Variants in KDM4C observed in about 807,000 individuals in gnomAD.
KDM4C encodes the protein lysine-specific demethylase 4C.
Under a neutral mutation model 129.3 loss-of-function variants are expected in KDM4C, and 81 were observed. The observed-to-expected ratio is 0.63, with a 90% CI of 0.52 to 0.75. KDM4C has a LOEUF of 0.75. KDM4C is among the 30% of genes least tolerant of loss of function. The pLI, the probability that KDM4C is intolerant of heterozygous loss-of-function variation, is 0.00. For missense variants in KDM4C, 1,457 were observed against 1,304.0 expected, an observed-to-expected ratio of 1.12 and a Z score of -1.81; for synonymous variants, 573 against 456.1, an observed-to-expected ratio of 1.26 and a Z score of -3.26.
chr9:6,948,252 A>C (rs1475615990), intron 8 of KDM4C: 1 of 152,220 alleles, frequency 6.6e-6, no homozygotes, highest in Admixed American at 6.5e-5. Flanking sequence ...AATATGAATA[A>C]ATTTGCAAAA....
chr9:7,035,650 G>A (rs946884688), intron 15 of KDM4C, among the ~76,000 whole-genome samples: 1 of 151,984 alleles, frequency 6.6e-6, no homozygotes, highest in African/African-American at 2.4e-5. Context: ...TTCATTTTAA[G>A]TTGATTTTTG....
chr9:6,759,470 G>A (rs1320116358), intron 1 of KDM4C, among the ~76,000 whole-genome samples: 1 of 152,062 alleles, frequency 6.6e-6, no homozygotes, highest in Non-Finnish European at 1.5e-5. Context: ...CGCGCAACCC[G>A]CCCATAGTTT....
chr9:6,937,024 G>T (rs181852746), intron 8 of KDM4C, among the ~76,000 whole-genome samples: 278 of 152,268 alleles, frequency 1.8e-3, no homozygotes, highest in African/African-American at 6.5e-3. Context: ...CCATTTTATT[G>T]TGTAGATTTT....
chr9:7,157,907 T>C (rs1843362025), intron 19 of KDM4C, among the ~76,000 whole-genome samples: 1 of 152,220 alleles, frequency 6.6e-6, no homozygotes, highest in Non-Finnish European at 1.5e-5. Flanking sequence ...TTTCTGTTGA[T>C]TGGAATAGTT....
chr9:7,133,236 C>A (rs1286072691), intron 19 of KDM4C, among the ~76,000 whole-genome samples: 2 of 151,838 alleles, frequency 1.3e-5, no homozygotes, highest in African/African-American at 4.8e-5. Context: ...CTTTTTCCTT[C>A]CCATCTAGTT....
In KDM4C at chr9:7,013,926, C is replaced by T; in HGVS notation, c.2107C>T (p.Pro703Ser). ...TGAAGAAAATATAGAATATTCTCCA[C>T]CCAATGCCTTCCTTGAAGAGGATGG... ...YSEENIEYSP[P>S]NAFLEEDGTS... Residue 703 changes from proline (P) to serine (S), a missense_variant, in exon 14 of 22, where the codon CCC becomes TCC. Pro to Ser is a moderately conservative substitution (Grantham distance 74, BLOSUM62 -1). Coordinates refer to ENST00000381309, the MANE Select transcript of KDM4C (RefSeq NM_015061.6). 6.2e-7 allele frequency: 1 copy of T among 1,613,978 alleles called. No individual in the cohort carries two copies. Among genetic ancestry groups the T allele is most frequent in the Non-Finnish European group, 8.5e-7 (1 of 1,179,870 alleles).
At chr9:7,039,436 GTC>G (rs1281982557) in intron 15 of KDM4C, among the ~76,000 whole-genome samples, 1 of 151,774 alleles carries the variant, frequency 6.6e-6, no homozygotes, top group African/African-American at 2.4e-5. Flanking sequence ...GTCATTTAGA[GTC>G]TCTTTTTTAT....
chr9:6,912,425 G>T (rs1370739833), intron 8 of KDM4C, among the ~76,000 whole-genome samples: 1 of 152,148 alleles, frequency 6.6e-6, no homozygotes, highest in African/African-American at 2.4e-5. Context: ...TCACATAGGC[G>T]CTGTTCTCTG....
intron 4 of KDM4C, among the ~76,000 whole-genome samples, chr9:6,817,196 C>CCT (rs1491193867): frequency 5.0e-5 from 1 of 20,042 alleles, no homozygotes; most frequent in Non-Finnish European, 1.3e-4. Flanking sequence ...CCTCCCCCTG[C>CCT]CCCCCCCCCC....
rs549597816 is a variant in KDM4C, at chr9:6,746,353, C to T, written c.49+25356C>T. Among the ~76,000 whole-genome samples the T allele has an allele frequency of 3.4e-3, 496 of 144,152 alleles. 2 individuals carry two copies. The highest frequency in any genetic ancestry group is 0.012 in the African/African-American group (478 of 39,148). 94.6% of individuals were successfully genotyped at this position (144,152 alleles called of 152,430 possible). A position where few individuals can be genotyped will look rare whatever the true frequency, so the allele number is the denominator to read the frequency against. On this transcript the variant is annotated intron_variant, in intron 1 of 17. Coordinates refer to the KDM4C transcript ENST00000536108. ...GAGCAATCTCGGCTCACTGCAAGCT[C>T]TGCCTCCCGGGTTCACGCCATTCTC...
intron 16 of KDM4C, among the ~76,000 whole-genome samples, chr9:7,047,600 A>C (rs1829592176): frequency 6.6e-6 from 1 of 151,992 alleles, no homozygotes; most frequent in African/African-American, 2.4e-5. Context: ...GAGACATGTC[A>C]AAATAACCTG....
At chr9:6,986,826 C>G in intron 11 of KDM4C, 160 bp downstream of exon 11, 2 of 559,164 alleles carry the variant, frequency 3.6e-6, no homozygotes, top group Non-Finnish European at 6.2e-6. Context: ...GGAGGTAAGC[C>G]TCCTGTGAGC....
intron 8 of KDM4C, 133 bp from the exon 9 acceptor site, chr9:6,980,792 G>A (rs1406501035): frequency 5.7e-6 from 4 of 695,956 alleles, no homozygotes; most frequent in Non-Finnish European, 9.5e-6. Context: ...CCCATTGAAT[G>A]TTTGATAATG....
intron 5 of KDM4C, among the ~76,000 whole-genome samples, chr9:6,852,618 G>C (rs565756679): frequency 6.6e-6 from 1 of 152,252 alleles, no homozygotes; most frequent in African/African-American, 2.4e-5. Context: ...GTATGGGATG[G>C]TTGCCTTTAC....
chr9:7,168,893 A>T (rs1047843468), intron 20 of KDM4C, among the ~76,000 whole-genome samples: 2 of 152,094 alleles, frequency 1.3e-5, no homozygotes, highest in East Asian at 3.9e-4. Flanking sequence ...ACAATAAAAT[A>T]AAATAGCTGG....
intron 18 of KDM4C, among the ~76,000 whole-genome samples, chr9:7,118,112 A>G: frequency 6.6e-6 from 1 of 152,186 alleles, no homozygotes; most frequent in South Asian, 2.1e-4. Context: ...CATGATTCAG[A>G]TGGAAAAAAA....
At chr9:6,869,479 G>C (rs1356813963) in intron 5 of KDM4C, among the ~76,000 whole-genome samples, 2 of 152,232 alleles carry the variant, frequency 1.3e-5, no homozygotes, top group Non-Finnish European at 2.9e-5. Context: ...AGTTCACTCT[G>C]AGATTGTGTG....
chr9:6,808,706 A>G (rs930927234), intron 3 of KDM4C, among the ~76,000 whole-genome samples: 4 of 151,358 alleles, frequency 2.6e-5, no homozygotes, highest in Non-Finnish European at 5.9e-5. Flanking sequence ...AAAAAAAAAA[A>G]AAAAGAAGTG....
chr9:6,849,313 G>A (rs1838405531), intron 4 of KDM4C, among the ~76,000 whole-genome samples, 194 bp from the exon 5 acceptor site: 1 of 152,154 alleles, frequency 6.6e-6, no homozygotes, highest in Non-Finnish European at 1.5e-5. Flanking sequence ...ACATTATGCT[G>A]GTAGTAATCT....
Sources: gnomAD v4.1 joint callset for allele counts (sites outside exome capture counted in the v4.1 genomes callset) on GRCh38, gnomAD v4.1.1 for gene constraint, MANE v1.5 for transcripts, NCBI Gene and HGNC (gene_info 2026-07-23, HGNC 2026-07-21) for gene names.